The following WHRN variants were observed in gnomAD, a reference collection of about 807,000 sequenced individuals.
WHRN encodes the protein whirlin, also known as CASK-interacting protein CIP98.
Under a neutral mutation model 68.3 loss-of-function variants are expected in WHRN, and 41 were observed. The observed-to-expected ratio is 0.60, with a 90% confidence interval of 0.47 to 0.78. The LOEUF is 0.78. Ranked by LOEUF, WHRN falls within the 30% of genes least tolerant of loss-of-function variation. The pLI is 0.00. For missense variants in WHRN, 1,243 were observed against 1,244.7 expected, an observed-to-expected ratio of 1.00 and a Z score of 0.02; for synonymous variants, 560 against 561.3, an observed-to-expected ratio of 1.00 and a Z score of 0.03.
At position 114,402,837 on chromosome 9, in the gene WHRN, C is replaced by T. The variant is rs200551948; in HGVS notation, c.2641G>A (p.Ala881Thr). 47 of 1,614,114 alleles carry T rather than the reference C, an allele frequency of 2.9e-5. No individual in the cohort carries two copies. Among genetic ancestry groups the T allele is most frequent in the Admixed American group, 8.3e-5 (5 of 60,034 alleles). Reference protein sequence around the residue: ...TLRGKEHREAARIIAEAFKTK... With the variant: ...TLRGKEHREATRIIAEAFKTK... Reference sequence around the variant, plus strand: ...TTGAAGGCCTCGGCGATAATGCGGGCGGCCTCCCGGTGCTCCTTGCCCCGA... The same window carrying T: ...TTGAAGGCCTCGGCGATAATGCGGGTGGCCTCCCGGTGCTCCTTGCCCCGA... Residue 881 changes from alanine to threonine, a missense_variant, in exon 12 of 12, where the codon GCC (alanine) becomes ACC (threonine). Ala to Thr is a moderately conservative substitution (Grantham distance 58). Coordinates refer to ENST00000362057, the MANE Select transcript of WHRN (RefSeq NM_015404.4).
At chr9:114,405,172 T>C (rs988980769) in intron 9 of WHRN, among the ~76,000 whole-genome samples, 1 of 150,264 alleles carries the variant, frequency 6.7e-6, no homozygotes, top group Non-Finnish European at 1.5e-5. Context: ...CCTCCTGGGT[T>C]CAAGTGGTCC....
At chr9:114,467,867 T>G (rs190647272) in intron 2 of WHRN, among the ~76,000 whole-genome samples, 64 of 152,276 alleles carry the variant, frequency 4.2e-4, no homozygotes, top group African/African-American at 1.5e-3. Flanking sequence ...GAGCACAGTG[T>G]GACTGCCCAC....
At chr9:114,443,684 T>A (rs1297466747) in intron 3 of WHRN, among the ~76,000 whole-genome samples, 1 of 152,208 alleles carries the variant, frequency 6.6e-6, no homozygotes, top group Non-Finnish European at 1.5e-5. Flanking sequence ...GTAGACATTT[T>A]GGAGGGTCCA....
At chr9:114,479,935 C>T (rs1490346760) in intron 1 of WHRN, among the ~76,000 whole-genome samples, 1 of 152,110 alleles carries the variant, frequency 6.6e-6, no homozygotes, top group Non-Finnish European at 1.5e-5. Context: ...TGGTGGTGGG[C>T]ACCTGTAATC....
At chr9:114,473,059 C>A (rs542868793) in intron 2 of WHRN, among the ~76,000 whole-genome samples, 2 of 152,356 alleles carry the variant, frequency 1.3e-5, no homozygotes, top group East Asian at 3.9e-4. Flanking sequence ...CAGGTCCCAT[C>A]TTGTTTCTGT....
rs548008603 is a variant in WHRN, at chr9:114,431,031, G to A, written c.964-4618C>T. Among the ~76,000 whole-genome samples, 64 of 152,256 alleles carry A rather than the reference G, an allele frequency of 4.2e-4. 1 individual carries two copies. The highest frequency in any genetic ancestry group is 6.8e-3 in the Middle Eastern group (2 of 294). ...GCCCTGTCAGAAGAGCTGTCTACAC[G>A]ATCACTGTGATGTAGAGTCCACAAA... is the stretch of plus-strand genomic sequence containing the variant. On this transcript the variant is annotated intron_variant, in intron 3 of 11. Transcript: ENST00000362057.
chr9:114,435,262 C>T (rs561482184), intron 3 of WHRN, among the ~76,000 whole-genome samples: 4 of 152,308 alleles, frequency 2.6e-5, no homozygotes, highest in East Asian at 1.9e-4. Context: ...AAATGCCTGA[C>T]GGAATCCATG....
Position 114,478,777 on chromosome 9 carries a change from G to A in WHRN, c.619-6C>T. 1 of 1,609,152 alleles carries A rather than the reference G, an allele frequency of 6.2e-7. No homozygotes were observed. The highest frequency in any genetic ancestry group is 1.7e-4 in the Middle Eastern group (1 of 6,060). On this transcript the variant is annotated splice_polypyrimidine_tract_variant and splice_region_variant and intron_variant, in intron 1 of 11. Coordinates refer to ENST00000362057, the MANE Select transcript of WHRN (RefSeq NM_015404.4). ...TTCTTGGAGCCCTTCAGAGCCTAGG[G>A]AGAGAGGGATACAAAGGTTAGAGGA...
intron 3 of WHRN, among the ~76,000 whole-genome samples, chr9:114,429,350 C>T (rs915776015): frequency 6.6e-6 from 1 of 152,204 alleles, no homozygotes. Context: ...GTTTCAAAGA[C>T]AATCAGATCT....
chr9:114,502,714 TAA>T (rs1844035015), intron 1 of WHRN, among the ~76,000 whole-genome samples: 1 of 152,204 alleles, frequency 6.6e-6, no homozygotes, highest in Non-Finnish European at 1.5e-5. Context: ...TTGTGACCGT[TAA>T]GTTACCCAAG....
At chr9:114,451,272 G>T (rs1839305071) in intron 3 of WHRN, among the ~76,000 whole-genome samples, 1 of 152,194 alleles carries the variant, frequency 6.6e-6, no homozygotes, top group Non-Finnish European at 1.5e-5. Flanking sequence ...TAAGGCATGT[G>T]GCCTTAGGGA....
At position 114,403,753 on chromosome 9, in the gene WHRN, G is replaced by A. The variant is rs778239431; in HGVS notation, c.2418+143C>T. On this transcript the variant is annotated intron_variant, in intron 10 of 11. Transcript: ENST00000362057. ...TCCTAATCCAGTGCTCCTCCAGGACGTCCAAATCCCTCCAGTTATAGGGAG... is the reference window on the plus strand; with the variant it reads ...TCCTAATCCAGTGCTCCTCCAGGACATCCAAATCCCTCCAGTTATAGGGAG... 1.3e-4 allele frequency: 135 copies of A among 1,039,938 alleles called. No homozygotes were observed. In the Middle Eastern group the frequency reaches 2.1e-3, roughly 16 times the overall value. The allele number at this position is 1,039,938 out of a possible 1,614,324, so 64.4% of individuals were successfully genotyped here. A position where few individuals can be genotyped will look rare whatever the true frequency, so the allele number is the denominator to read the frequency against.
At chr9:114,405,991 C>G (rs10733609) in intron 9 of WHRN, among the ~76,000 whole-genome samples, 62,927 of 152,098 alleles carry the variant, frequency 0.41, 14,054 homozygotes, top group Middle Eastern at 0.52. Context: ...CAGGCCATGG[C>G]GGACAGGAAG....
intron 7 of WHRN, among the ~76,000 whole-genome samples, chr9:114,417,878 C>T (rs1232644008): frequency 2.6e-5 from 4 of 152,326 alleles, no homozygotes; most frequent in African/African-American, 9.6e-5. Flanking sequence ...CCAGCACCTC[C>T]TGATGCAGAG....
chr9:114,483,437 C>A (rs10982240), intron 1 of WHRN, among the ~76,000 whole-genome samples: 54,639 of 152,112 alleles, frequency 0.36, 10,298 homozygotes, highest in Middle Eastern at 0.39. Context: ...GGGCATCATT[C>A]AACAGGAGAG....
chr9:114,423,622 C>G (rs1041841974), intron 6 of WHRN, 99 bp from the exon 7 acceptor site: 2 of 1,185,906 alleles, frequency 1.7e-6, no homozygotes, highest in Non-Finnish European at 2.4e-6. Flanking sequence ...AAACTTGACC[C>G]TGCCTCCCCT....
chr9:114,464,704 T>C (rs1026757056), intron 3 of WHRN, among the ~76,000 whole-genome samples: 2 of 152,112 alleles, frequency 1.3e-5, no homozygotes, highest in African/African-American at 4.8e-5. Context: ...GAATGTTACC[T>C]ATTATTATTA....
chr9:114,449,444 G>A (rs988886216), intron 3 of WHRN, among the ~76,000 whole-genome samples: 1 of 152,226 alleles, frequency 6.6e-6, no homozygotes, highest in African/African-American at 2.4e-5. Context: ...TCTAATGGGC[G>A]TGCCCAGAGA....
chr9:114,405,073 T>C (rs1028363299), intron 9 of WHRN, among the ~76,000 whole-genome samples: 930 of 62,598 alleles, frequency 0.015, 4 homozygotes, highest in South Asian at 0.044. Flanking sequence ...TCTCTCTCTT[T>C]TTTTTTTTTT....
Sources: allele counts gnomAD v4.1 joint callset (sites outside exome capture counted in the v4.1 genomes callset), GRCh38; gene constraint gnomAD v4.1.1; transcripts MANE v1.5; gene names NCBI Gene and HGNC (gene_info 2026-07-23, HGNC 2026-07-21).